Variants in ITGB4 observed in about 807,000 individuals in gnomAD.
The protein encoded by ITGB4 is integrin beta-4.
In ITGB4, 159 loss-of-function variants were observed where a neutral mutation model predicts 207.6. The ratio of observed to expected loss-of-function variants is 0.77; its 90% confidence interval spans 0.67 to 0.87. ITGB4 has a LOEUF of 0.87. ITGB4 is among the 40% of genes least tolerant of loss of function. The pLI, the probability that ITGB4 is intolerant of heterozygous loss-of-function variation, is 0.00. For missense variants in ITGB4, 2,278 were observed against 2,546.8 expected, an observed-to-expected ratio of 0.89 and a Z score of 2.27; for synonymous variants, 1,020 against 1,062.7, an observed-to-expected ratio of 0.96 and a Z score of 0.78.
intron 8 of ITGB4, 148 bp from the exon 9 acceptor site, chr17:75,730,727 C>G: frequency 2.0e-6 from 2 of 984,772 alleles, no homozygotes; most frequent in Non-Finnish European, 3.1e-6. Flanking sequence ...ACCCCAACTC[C>G]CAAGCAGGTG....
rs773548728 is a variant in ITGB4, at chr17:75,724,750, C to G, written c.47C>G (p.Ala16Gly). ...CCATGGGCCAGGCTGCTCCTGGCAG[C>G]CTTGATCAGCGTCAGCCTCTCTGGG... Reference protein sequence around the residue: ...PSPWARLLLAALISVSLSGTL... With the variant: ...PSPWARLLLAGLISVSLSGTL... Residue 16 changes from alanine (A) to glycine (G), a missense_variant, in exon 2 of 40, where the codon GCC becomes GGC. Ala to Gly is a moderately conservative substitution (Grantham distance 60). Coordinates refer to ENST00000200181, the MANE Select transcript of ITGB4 (RefSeq NM_000213.5). 1 of 1,613,634 alleles carries G rather than the reference C, an allele frequency of 6.2e-7. No homozygotes were observed. Among genetic ancestry groups the G allele is most frequent in the African/African-American group, 1.3e-5 (1 of 74,954 alleles).
chr17:75,749,306 T>TCA (rs1217452862), intron 27 of ITGB4, among the ~76,000 whole-genome samples: 2 of 152,086 alleles, frequency 1.3e-5, no homozygotes, highest in Admixed American at 1.3e-4. Flanking sequence ...GGTGGGAGGA[T>TCA]CACTTGAGCC....
In ITGB4 at chr17:75,740,059, C is replaced by T. The variant is rs765637893; in HGVS notation, c.2434C>T (p.Pro812Ser). Reference protein sequence around the residue: ...GFATHAASINPTELVPYGLSL... With the variant: ...GFATHAASINSTELVPYGLSL... Reference sequence around the variant, plus strand: ...TGCCACTCATGCCGCCAGCATCAACCCCACAGAGCTGGGTGAGGGCGGGGC... The same window carrying T: ...TGCCACTCATGCCGCCAGCATCAACTCCACAGAGCTGGGTGAGGGCGGGGC... Residue 812 changes from proline to serine, a missense_variant, in exon 20 of 40, where the codon CCC (proline) becomes TCC (serine). Pro to Ser is a moderately conservative substitution (Grantham distance 74, BLOSUM62 -1). Coordinates refer to ENST00000200181, the MANE Select transcript of ITGB4 (RefSeq NM_000213.5). This position sits in a 1 kb window ranked among gnomAD's most constrained non-coding sequence, Gnocchi z 5.9. 18 of 1,612,216 alleles carry T rather than the reference C, an allele frequency of 1.1e-5. 1 individual carries two copies. The highest frequency in any genetic ancestry group is 2.5e-6 in the Non-Finnish European group (3 of 1,179,516).
Position 75,740,114 on chromosome 17 carries a change from C to A in ITGB4, c.2446+43C>A. On this transcript the variant is annotated intron_variant, in intron 20 of 39. Coordinates refer to ENST00000200181, the MANE Select transcript of ITGB4 (RefSeq NM_000213.5). This position sits in a 1 kb window ranked among gnomAD's most constrained non-coding sequence, Gnocchi z 5.9. ...CGCCACAGCTCTGGGCAGTGCCCTT[C>A]GGGCCCTCTGTTCCAGATCTGGGAT... The A allele has an allele frequency of 6.4e-7, 1 of 1,568,364 alleles. No individual in the cohort carries two copies. The highest frequency in any genetic ancestry group is 8.7e-7 in the Non-Finnish European group (1 of 1,154,550).
Position 75,750,788 on chromosome 17 carries a change from A to C in ITGB4, c.3583A>C (p.Lys1195Gln), listed in dbSNP as rs2061350136. Residue 1195 changes from lysine to glutamine, a missense_variant, in exon 29 of 40, where the codon AAG becomes CAG. Lys to Gln is a moderately conservative substitution (Grantham distance 53, BLOSUM62 1). Coordinates refer to ENST00000200181, the MANE Select transcript of ITGB4 (RefSeq NM_000213.5). This position sits in a 1 kb window ranked among gnomAD's most constrained non-coding sequence, Gnocchi z 5.5. ...NLYPYCDYEM[K>Q]VCAYGAQGEG... ...GTACCCGTATTGCGACTATGAGATG[A>C]AGGTGTGCGCCTACGGGGCTCAGGG... The C allele has an allele frequency of 6.2e-7, 1 of 1,613,540 alleles. No homozygotes were observed. Among genetic ancestry groups the C allele is most frequent in the Non-Finnish European group, 8.5e-7 (1 of 1,180,002 alleles).
rs1257946277 is a variant in ITGB4 at position 75,742,250 on chromosome 17, G to A, written c.2634-91G>A. 1.3e-6 allele frequency: 2 copies of A among 1,506,672 alleles called. No homozygotes were observed. Among genetic ancestry groups the A allele is most frequent in the Non-Finnish European group, 1.8e-6 (2 of 1,090,266 alleles). The allele number at this position is 1,506,672 out of a possible 1,614,324, so 93.3% of individuals were successfully genotyped here. On this transcript the variant is annotated intron_variant, in intron 23 of 39. Transcript: ENST00000200181. This position sits in a 1 kb window ranked among gnomAD's most constrained non-coding sequence, Gnocchi z 5.9. ...GCACTTCTTGCTGTCTTACATCCTG[G>A]CCCCTGAAGGGGAGAAGACAGGCAG...
intron 26 of ITGB4, 38 bp from the exon 27 acceptor site, chr17:75,748,803 C>T: frequency 6.6e-7 from 1 of 1,523,466 alleles, no homozygotes; most frequent in Non-Finnish European, 9.0e-7. Context: ...GCCTCAGCCC[C>T]CAGCCATGAC....
Position 75,729,153 on chromosome 17 carries a change from G to C in ITGB4, c.567-112G>C. 1 of 837,876 alleles carries C rather than the reference G, an allele frequency of 1.2e-6. No homozygotes were observed. The highest frequency in any genetic ancestry group is 1.7e-6 in the Non-Finnish European group (1 of 585,908). The allele number at this position is 837,876 out of a possible 1,614,324, so 51.9% of individuals were successfully genotyped here. A position where few individuals can be genotyped will look rare whatever the true frequency, so the allele number is the denominator to read the frequency against. On this transcript the variant is annotated intron_variant, in intron 6 of 39. Transcript: ENST00000200181. The surrounding 1 kb of genome is among the most constrained non-coding windows in gnomAD (Gnocchi z 4.4). ...CAGCCTGGGTGATAAAGCGAGACTTGGTCTCAAAAAAAAAAAAAAAAATTC... is the reference window on the plus strand; with the variant it reads ...CAGCCTGGGTGATAAAGCGAGACTTCGTCTCAAAAAAAAAAAAAAAAATTC...
chr17:75,747,336 G>A (rs71382180), intron 26 of ITGB4, among the ~76,000 whole-genome samples: 6 of 151,878 alleles, frequency 4.0e-5, no homozygotes, highest in Admixed American at 1.3e-4. Context: ...AAAATTAGCC[G>A]GGCATGGTGG....
chr17:75,754,731 T>A lies in ITGB4; in HGVS notation c.4474T>A (p.Tyr1492Asn), dbSNP rs2061447698. The part of the protein sequence containing the change: ...LSTSSTLTRD[Y>N]NSLTRSEHSH... Reference sequence around the variant, plus strand: ...CACATCCTCCACCCTCACACGGGACTACAACTCACTGACCCGCTCAGAACA... The same window carrying A: ...CACATCCTCCACCCTCACACGGGACAACAACTCACTGACCCGCTCAGAACA... The change falls in exon 34 of 40, where the codon TAC becomes AAC. Residue 1492 changes from tyrosine to asparagine, a missense_variant. Transcript: ENST00000200181. The A allele has an allele frequency of 1.1e-5, 17 of 1,613,894 alleles. No individual in the cohort carries two copies. The highest frequency in any genetic ancestry group is 1.4e-5 in the Non-Finnish European group (17 of 1,179,940).
At chr17:75,754,013 C>A (rs2061430016) in intron 33 of ITGB4, 39 bp downstream of exon 33, 3 of 955,540 alleles carry the variant, frequency 3.1e-6, no homozygotes, top group African/African-American at 3.4e-5. Flanking sequence ...CCGCGCCCAC[C>A]CAGCCTCACT....
intron 2 of ITGB4, among the ~76,000 whole-genome samples, chr17:75,726,150 G>A (rs1568341007): frequency 6.6e-6 from 1 of 152,210 alleles, no homozygotes; most frequent in Non-Finnish European, 1.5e-5. Flanking sequence ...ACATACCCCT[G>A]GCCTCTGTAA....
rs889218685 is a variant in ITGB4, at chr17:75,743,788, T to G, written c.3038T>G (p.Ile1013Ser). ...GACCAGGTGGCCCGCATCCCTGTCATCCGGCGTGTCCTGGACGGCGGGAAG... is the reference window on the plus strand; with the variant it reads ...GACCAGGTGGCCCGCATCCCTGTCAGCCGGCGTGTCCTGGACGGCGGGAAG... ...RGDQVARIPV[I>S]RRVLDGGKSQ... is the part of the protein sequence containing the mutation. Residue 1013 changes from isoleucine to serine, a missense_variant, in exon 26 of 40, where the codon ATC (isoleucine) becomes AGC (serine). Physicochemically the swap from Ile to Ser is moderately radical, Grantham distance 142. Transcript: ENST00000200181. The G allele has an allele frequency of 6.8e-6, 11 of 1,613,282 alleles. No individual in the cohort carries two copies. Among genetic ancestry groups the G allele is most frequent in the Middle Eastern group, 1.6e-4 (1 of 6,062 alleles).
At chr17:75,734,480 G>T (rs972964816) in intron 13 of ITGB4, among the ~76,000 whole-genome samples, 9 of 152,014 alleles carry the variant, frequency 5.9e-5, no homozygotes, top group Non-Finnish European at 8.8e-5. Flanking sequence ...TACCTGGAAG[G>T]CCTGGAGCTT....
rs530779490 is a variant in ITGB4 at position 75,738,311 on chromosome 17, A to G, written c.2220+667A>G. On this transcript the variant is annotated intron_variant, in intron 18 of 39. Transcript: ENST00000200181. Reference sequence around the variant, plus strand: ...ATCCTGGAGCCCCAGCCCCCAGCTCAGCCCTTGCCAGCATCCGTTCTCTGC... The same window carrying G: ...ATCCTGGAGCCCCAGCCCCCAGCTCGGCCCTTGCCAGCATCCGTTCTCTGC... 2.1e-4 allele frequency among the ~76,000 whole-genome samples: 32 copies of G among 151,126 alleles called. No individual in the cohort carries two copies. The South Asian group carries it at 6.5e-3, about 31-fold the overall frequency.
chr17:75,753,696 TC>T, intron 32 of ITGB4, 68 bp from the exon 33 acceptor site: 1 of 1,097,600 alleles, frequency 9.1e-7, no homozygotes, highest in Non-Finnish European at 1.2e-6. Flanking sequence ...CCTACGGCCT[TC>T]CCCCGCCTGG....
intron 35 of ITGB4, among the ~76,000 whole-genome samples, 165 bp from the exon 36 acceptor site, chr17:75,756,264 A>G (rs1159046277): frequency 1.3e-5 from 2 of 152,120 alleles, no homozygotes; most frequent in Admixed American, 1.3e-4. Context: ...ATAGTACACA[A>G]TCTGAACAAC....
chr17:75,750,884 A>C lies in ITGB4; in HGVS notation c.3655+24A>C, dbSNP rs756027431. ...AGGTGAGGCCTCGCCATGTCTGTCCATTTGTCCCCTGGCTGCCCTGATGCC... is the reference window on the plus strand; with the variant it reads ...AGGTGAGGCCTCGCCATGTCTGTCCCTTTGTCCCCTGGCTGCCCTGATGCC... On this transcript the variant is annotated intron_variant, in intron 29 of 39. Coordinates refer to ENST00000200181, the MANE Select transcript of ITGB4 (RefSeq NM_000213.5). This position sits in a 1 kb window ranked among gnomAD's most constrained non-coding sequence, Gnocchi z 5.5. The C allele has an allele frequency of 6.2e-7, 1 of 1,613,334 alleles. No homozygotes were observed. Among genetic ancestry groups the C allele is most frequent in the South Asian group, 1.1e-5 (1 of 91,074 alleles).
chr17:75,754,408 C>T, intron 33 of ITGB4, 168 bp from the exon 34 acceptor site: 2 of 782,332 alleles, frequency 2.6e-6, no homozygotes, highest in Non-Finnish European at 4.1e-6. Flanking sequence ...CCCTTGGGCT[C>T]CTGCAGGGAC....
Sources: allele counts gnomAD v4.1 joint callset (sites outside exome capture counted in the v4.1 genomes callset), GRCh38; gene constraint gnomAD v4.1.1; non-coding constraint Gnocchi (gnomAD v3.1); transcripts MANE v1.5; gene names NCBI Gene and HGNC (gene_info 2026-07-23, HGNC 2026-07-21).